The following RAB20 variants were observed in gnomAD, a reference collection of about 807,000 sequenced individuals.
RAB20 encodes RAB20, member RAS oncogene family, also known as ras-related protein Rab-20.
Under a neutral mutation model 3.7 loss-of-function variants are expected in RAB20, and 2 were observed. The observed-to-expected ratio is 0.54, with a 90% CI of 0.22 to 1.69. The LOEUF is 1.69. RAB20 is among the 40% of genes most tolerant of loss of function. The pLI is 0.19. For synonymous variants in RAB20, 126 were observed against 130.8 expected (o/e 0.96, Z 0.25); for missense variants, 276 against 311.9 (o/e 0.88, Z 0.87).
Position 110,561,716 on chromosome 13 carries a change from G to T in RAB20, c.-197C>A. The T allele has an allele frequency of 1.0e-6, 1 of 960,050 alleles. No individual in the cohort carries two copies. Among genetic ancestry groups the T allele is most frequent in the Non-Finnish European group, 1.4e-6 (1 of 727,644 alleles). The allele number at this position is 960,050 out of a possible 1,614,324, so 59.5% of individuals were successfully genotyped here. On this transcript the variant is annotated 5_prime_UTR_variant, in exon 1 of 2. Coordinates refer to ENST00000267328, the MANE Select transcript of RAB20 (RefSeq NM_017817.3). ...GTGCGCGCCCGGGAAGGAGCTGGGT[G>T]CAGAGCACGGAGCCCACGTCGGGGG... is the stretch of plus-strand genomic sequence containing the variant.
Position 110,555,586 on chromosome 13 carries a change from T to C in RAB20, c.172+5762A>G, listed in dbSNP as rs949018393. On this transcript the variant is annotated intron_variant, in intron 1 of 1. Transcript: ENST00000267328. This position sits in a 1 kb window ranked among gnomAD's most constrained non-coding sequence, Gnocchi z 4.0. The stretch of plus-strand genomic sequence containing the variant: ...GCAAGGCTCATGCCAAAGCTCAGAC[T>C]TCTAGTTGAGACAGACAGAGGAACT... 1.3e-5 allele frequency among the ~76,000 whole-genome samples: 2 copies of C among 152,196 alleles called. No homozygotes were observed. Among genetic ancestry groups the C allele is most frequent in the African/African-American group, 4.8e-5 (2 of 41,452 alleles).
At chr13:110,541,717 T>C (rs1884766010) in intron 1 of RAB20, among the ~76,000 whole-genome samples, 1 of 152,082 alleles carries the variant, frequency 6.6e-6, no homozygotes, top group African/African-American at 2.4e-5. Flanking sequence ...CTGCACCAAC[T>C]GGATCTGATC....
intron 1 of RAB20, among the ~76,000 whole-genome samples, chr13:110,559,824 C>T (rs1885101734): frequency 6.6e-6 from 1 of 152,200 alleles, no homozygotes; most frequent in Admixed American, 6.5e-5. Context: ...GCTTCATTCC[C>T]TCCGATGCAG....
rs574802545 is a variant in RAB20, at chr13:110,539,709, G to A, written c.173-15512C>T. 2.3e-4 allele frequency among the ~76,000 whole-genome samples: 35 copies of A among 151,992 alleles called. No individual in the cohort carries two copies. In the South Asian group the frequency reaches 7.1e-3, roughly 31 times the overall value. ...CAAGTAACCGGGATTACAGGCACCC[G>A]CCACCACGCCTGGCTAATTTTTGTA... On this transcript the variant is annotated intron_variant, in intron 1 of 1. Coordinates refer to ENST00000267328, the MANE Select transcript of RAB20 (RefSeq NM_017817.3).
At position 110,523,820 on chromosome 13, in the gene RAB20, C is replaced by T. The variant is rs1217105919; in HGVS notation, c.550G>A (p.Ala184Thr). ...AGGTCCACATTGTAGCCGGTCTTGG[C>T]GCTGGTCTCAAAGCACATTTGCTCA... The part of the protein sequence containing the change: ...AAEQMCFETS[A>T]KTGYNVDLLF... The change falls in exon 2 of 2, where the codon GCC (alanine) becomes ACC (threonine). Residue 184 changes from alanine to threonine, a missense_variant. Transcript: ENST00000267328. The T allele has an allele frequency of 5.0e-6, 8 of 1,614,196 alleles. No homozygotes were observed. Among genetic ancestry groups the T allele is most frequent in the African/African-American group, 1.3e-5 (1 of 75,056 alleles).
chr13:110,560,290 GATA>G (rs769734926), intron 1 of RAB20, among the ~76,000 whole-genome samples: 20 of 152,080 alleles, frequency 1.3e-4, no homozygotes, highest in Non-Finnish European at 2.5e-4. Flanking sequence ...TGTTAACTGG[GATA>G]ATAATAAAAA....
Position 110,523,323 on chromosome 13 carries a change from C to T in RAB20, c.*342G>A, listed in dbSNP as rs966935125. On this transcript the variant is annotated 3_prime_UTR_variant, in exon 2 of 2. Coordinates refer to ENST00000267328, the MANE Select transcript of RAB20 (RefSeq NM_017817.3). Reference sequence around the variant, plus strand: ...AAACGGTCAGAGGTGCAGGTGCAGACGCAGGCTTCTGCCTCTGCAAGGGCA... The same window carrying T: ...AAACGGTCAGAGGTGCAGGTGCAGATGCAGGCTTCTGCCTCTGCAAGGGCA... The T allele has an allele frequency of 2.5e-5, 12 of 488,576 alleles. No individual in the cohort carries two copies. Among genetic ancestry groups the T allele is most frequent in the South Asian group, 4.7e-5 (1 of 21,358 alleles). 30.3% of individuals were successfully genotyped at this position (488,576 alleles called of 1,614,324 possible).
At chr13:110,526,491 T>C (rs996679633) in intron 1 of RAB20, among the ~76,000 whole-genome samples, 2 of 152,208 alleles carry the variant, frequency 1.3e-5, no homozygotes, top group Non-Finnish European at 2.9e-5. Flanking sequence ...TTCTAAATTA[T>C]AAATGGTCCC....
chr13:110,531,038 C>CTA (rs1406474351), intron 1 of RAB20, among the ~76,000 whole-genome samples: 1 of 152,256 alleles, frequency 6.6e-6, no homozygotes, highest in Non-Finnish European at 1.5e-5. Flanking sequence ...GGAAGCGCTG[C>CTA]ATTAGCTATG....
At position 110,523,978 on chromosome 13, in the gene RAB20, C is replaced by T. The variant is rs1884383021; in HGVS notation, c.392G>A (p.Cys131Tyr). The part of the protein sequence containing the change: ...GALAGQEKEE[C>Y]SPNMDAGDRV... The stretch of plus-strand genomic sequence containing the variant: ...GTCCCCAGCGTCCATATTGGGACTG[C>T]ACTCTTCCTTCTCCTGGCCCGCCAA... The change falls in exon 2 of 2, where the codon TGC (cysteine) becomes TAC (tyrosine). Residue 131 changes from cysteine (C) to tyrosine (Y), a missense_variant. By Grantham distance (194) the Cys-to-Tyr change is radical. Coordinates refer to ENST00000267328, the MANE Select transcript of RAB20 (RefSeq NM_017817.3). 5.0e-6 allele frequency: 8 copies of T among 1,614,168 alleles called. No homozygotes were observed. Among genetic ancestry groups the T allele is most frequent in the Non-Finnish European group, 6.8e-6 (8 of 1,180,034 alleles).
chr13:110,539,233 G>T (rs77121369), intron 1 of RAB20, among the ~76,000 whole-genome samples: 1 of 152,100 alleles, frequency 6.6e-6, no homozygotes, highest in African/African-American at 2.4e-5. Flanking sequence ...CATAAAGGAG[G>T]ATGATTACTT....
intron 1 of RAB20, among the ~76,000 whole-genome samples, chr13:110,558,013 C>A: frequency 6.6e-6 from 1 of 152,258 alleles, no homozygotes. Flanking sequence ...GAATCCAGGG[C>A]CTGCGGGGCA....
At position 110,524,193 on chromosome 13, in the gene RAB20, C is replaced by T; in HGVS notation, c.177G>A (p.Arg59=). The stretch of plus-strand genomic sequence containing the variant: ...TGGAGCCCAGGCCGTGGAACTGCTC[C>T]CGCCCTGGTGGGAAGAGAGGGACAG... ...YNISIWDTAG[R]EQFHGLGSMY... The change falls in exon 2 of 2, where the codon CGG becomes CGA. Residue 59 remains arginine (R), a synonymous_variant. Coordinates refer to ENST00000267328, the MANE Select transcript of RAB20 (RefSeq NM_017817.3). 1 of 1,587,530 alleles carries T rather than the reference C, an allele frequency of 6.3e-7. No individual in the cohort carries two copies.
intron 1 of RAB20, among the ~76,000 whole-genome samples, chr13:110,553,345 T>G (rs984737095): frequency 6.6e-6 from 1 of 152,246 alleles, no homozygotes; most frequent in Non-Finnish European, 1.5e-5. Flanking sequence ...CTTGTTGAGT[T>G]GAACTGAATC....
chr13:110,529,014 A>G (rs1255237735), intron 1 of RAB20, among the ~76,000 whole-genome samples: 1 of 152,260 alleles, frequency 6.6e-6, no homozygotes, highest in Non-Finnish European at 1.5e-5. Flanking sequence ...CTAATGGAAG[A>G]GTCAGGCTGC....
chr13:110,537,209 T>G (rs1260607207), intron 1 of RAB20, among the ~76,000 whole-genome samples: 1 of 151,538 alleles, frequency 6.6e-6, no homozygotes, highest in Non-Finnish European at 1.5e-5. Flanking sequence ...ATTGCCCAGG[T>G]TGGTCTTGAA....
chr13:110,540,961 T>C (rs1884749781), intron 1 of RAB20, among the ~76,000 whole-genome samples: 1 of 152,146 alleles, frequency 6.6e-6, no homozygotes. Context: ...CCCATGCCCC[T>C]GGAATGGGAG....
At chr13:110,529,251 G>A (rs963322679) in intron 1 of RAB20, among the ~76,000 whole-genome samples, 2 of 152,254 alleles carry the variant, frequency 1.3e-5, no homozygotes, top group Admixed American at 1.3e-4. Context: ...TTTTCTGGAA[G>A]TTTGTGAATG....
At chr13:110,525,973 C>T (rs1884423363) in intron 1 of RAB20, among the ~76,000 whole-genome samples, 1 of 152,236 alleles carries the variant, frequency 6.6e-6, no homozygotes, top group Non-Finnish European at 1.5e-5. Context: ...GATCTTCCAA[C>T]CACAAAGCAC....
Sources: allele counts gnomAD v4.1 joint callset (sites outside exome capture counted in the v4.1 genomes callset), GRCh38; gene constraint gnomAD v4.1.1; non-coding constraint Gnocchi (gnomAD v3.1); transcripts MANE v1.5; gene names NCBI Gene and HGNC (gene_info 2026-07-23, HGNC 2026-07-21).